Variants in ZFPM2 observed in about 807,000 individuals in gnomAD.
The protein encoded by ZFPM2 is zinc finger protein, FOG family member 2.
ZFPM2 carries 20 observed loss-of-function variants against 98.6 expected under a neutral mutation model. The ratio of observed to expected loss-of-function variants is 0.20; its 90% CI spans 0.14 to 0.29. The LOEUF (loss-of-function observed/expected upper bound fraction) is 0.29, where lower values mean the gene tolerates loss of function less well. Ranked by LOEUF, ZFPM2 falls within the 10% of genes least tolerant of loss-of-function variation. ZFPM2 has a pLI of 1.00. For missense variants in ZFPM2, 1,310 were observed against 1,388.6 expected (o/e 0.94, Z 0.90); for synonymous variants, 518 against 502.7 (o/e 1.03, Z -0.41).
chr8:105,572,091 G>T (rs1226985621), intron 4 of ZFPM2, among the ~76,000 whole-genome samples: 2 of 142,764 alleles, frequency 1.4e-5, no homozygotes, highest in African/African-American at 5.2e-5. Context: ...AGGCTGGAGT[G>T]CAATGGTGCG....
intron 3 of ZFPM2, among the ~76,000 whole-genome samples, chr8:105,550,052 G>T (rs923304200): frequency 1.3e-5 from 2 of 152,124 alleles, no homozygotes; most frequent in Non-Finnish European, 2.9e-5. Context: ...GGACTTCATT[G>T]TCTTAAACCA....
At chr8:105,685,290 A>C (rs13267986) in intron 5 of ZFPM2, among the ~76,000 whole-genome samples, 20,021 of 152,120 alleles carry the variant, frequency 0.13, 1,298 homozygotes, top group Middle Eastern at 0.19. Context: ...TTAGTGGCTA[A>C]CATATTGCAT....
chr8:105,570,437 C>T (rs1815330579), intron 4 of ZFPM2, among the ~76,000 whole-genome samples: 2 of 151,808 alleles, frequency 1.3e-5, no homozygotes, highest in South Asian at 4.2e-4. Context: ...AAATTAAACA[C>T]CGAAGAATTA....
intron 3 of ZFPM2, among the ~76,000 whole-genome samples, chr8:105,536,635 G>T (rs1458772969): frequency 5.3e-5 from 8 of 152,010 alleles, no homozygotes; most frequent in Non-Finnish European, 1.2e-4. Context: ...CACATTGTTG[G>T]CTTTAAGTGT....
At chr8:105,651,465 C>CAAA (rs35701061) in intron 5 of ZFPM2, among the ~76,000 whole-genome samples, 3 of 138,586 alleles carry the variant, frequency 2.2e-5, no homozygotes, top group East Asian at 2.1e-4. Flanking sequence ...GACTCCATCT[C>CAAA]AAAAAAAAAA....
intron 5 of ZFPM2, among the ~76,000 whole-genome samples, chr8:105,740,577 A>G (rs942568188): frequency 8.1e-5 from 12 of 148,294 alleles, no homozygotes; most frequent in Non-Finnish European, 1.6e-4. Context: ...ATATATGTAT[A>G]TATAAAATTA....
chr8:105,462,415 T>G (rs1263881338), intron 3 of ZFPM2, among the ~76,000 whole-genome samples: 1 of 152,092 alleles, frequency 6.6e-6, no homozygotes, highest in Non-Finnish European at 1.5e-5. Flanking sequence ...AAGCTTCCTG[T>G]GCGAAGAAGG....
chr8:105,375,223 G>GTACC (rs1414741161), intron 1 of ZFPM2, among the ~76,000 whole-genome samples: 3 of 152,118 alleles, frequency 2.0e-5, no homozygotes, highest in Non-Finnish European at 2.9e-5. Context: ...ATTTTAGGAT[G>GTACC]TACCACACTT....
At chr8:105,695,630 G>T (rs534754330) in intron 5 of ZFPM2, among the ~76,000 whole-genome samples, 1 of 152,026 alleles carries the variant, frequency 6.6e-6, no homozygotes, top group African/African-American at 2.4e-5. Flanking sequence ...GATGAAATCA[G>T]AATTACTCAT....
chr8:105,482,878 TTTCCTTCCTTCC>T (rs370906130), intron 3 of ZFPM2, among the ~76,000 whole-genome samples: 1 of 151,588 alleles, frequency 6.6e-6, no homozygotes, highest in South Asian at 2.1e-4. Context: ...TTAATCTTTC[TTTCCTTCCTTCC>T]TTCCTTCCTT....
At chr8:105,507,006 A>C (rs982092554) in intron 3 of ZFPM2, among the ~76,000 whole-genome samples, 1 of 148,280 alleles carries the variant, frequency 6.7e-6, no homozygotes, top group Admixed American at 6.7e-5. Flanking sequence ...AAAAAAAAAC[A>C]AAAGAAAGTA....
At chr8:105,797,803 T>C (rs1322551043) in intron 6 of ZFPM2, among the ~76,000 whole-genome samples, 1 of 152,130 alleles carries the variant, frequency 6.6e-6, no homozygotes, top group Non-Finnish European at 1.5e-5. Flanking sequence ...TCTAATCTCC[T>C]CCCTCCACTC....
At chr8:105,590,668 T>C (rs1815821551) in intron 4 of ZFPM2, among the ~76,000 whole-genome samples, 1 of 152,226 alleles carries the variant, frequency 6.6e-6, no homozygotes, top group Non-Finnish European at 1.5e-5. Context: ...GTTGGAATAT[T>C]ACACTGAAGA....
At chr8:105,476,401 ATGAT>A (rs1250430242) in intron 3 of ZFPM2, among the ~76,000 whole-genome samples, 1 of 152,158 alleles carries the variant, frequency 6.6e-6, no homozygotes, top group Non-Finnish European at 1.5e-5. Flanking sequence ...CACGCTCCTT[ATGAT>A]AATCTAACTA....
intron 4 of ZFPM2, among the ~76,000 whole-genome samples, chr8:105,598,428 T>A (rs1816019533): frequency 6.6e-6 from 1 of 152,164 alleles, no homozygotes; most frequent in South Asian, 2.1e-4. Context: ...AAACTTAGAA[T>A]ATATGCTTGC....
At chr8:105,735,853 A>T (rs1812056288) in intron 5 of ZFPM2, among the ~76,000 whole-genome samples, 1 of 151,954 alleles carries the variant, frequency 6.6e-6, no homozygotes, top group Non-Finnish European at 1.5e-5. Flanking sequence ...AGTAGGTCAA[A>T]CAGCAATGTG....
At chr8:105,494,746 AAGAATTCTGATGTAC>A (rs1217377726) in intron 3 of ZFPM2, among the ~76,000 whole-genome samples, 1 of 152,176 alleles carries the variant, frequency 6.6e-6, no homozygotes. Context: ...GTGTTTTAAC[AAGAATTCTGATGTAC>A]AGAATTCTGA....
chr8:105,463,748 C>T (rs1156969575), intron 3 of ZFPM2, among the ~76,000 whole-genome samples: 2 of 151,974 alleles, frequency 1.3e-5, no homozygotes, highest in African/African-American at 4.8e-5. Flanking sequence ...AAGGCTGTTA[C>T]ATTTTTTTTT....
chr8:105,539,520 A>T (rs1363185780), intron 3 of ZFPM2, among the ~76,000 whole-genome samples: 2 of 152,170 alleles, frequency 1.3e-5, no homozygotes, highest in Admixed American at 6.5e-5. Flanking sequence ...ATCTTGGAAA[A>T]AAGTAATGCT....
Sources: gnomAD v4.1 joint callset for allele counts (sites outside exome capture counted in the v4.1 genomes callset) on GRCh38, gnomAD v4.1.1 for gene constraint, MANE v1.5 for transcripts, NCBI Gene and HGNC (gene_info 2026-07-23, HGNC 2026-07-21) for gene names.